SLIT3: variants seen among roughly 807,000 people sequenced by gnomAD.
SLIT3 encodes slit guidance ligand 3, also known as slit homolog 3 protein.
SLIT3 carries 68 observed loss-of-function variants against 184.0 expected under a neutral mutation model. That is an observed-to-expected ratio of 0.37 (90% CI 0.30 to 0.45). The LOEUF is 0.45. SLIT3 is among the 20% of genes least tolerant of loss of function. The pLI is 1.00. For missense variants in SLIT3, 1,707 were observed against 2,026.0 expected (o/e 0.84, Z 3.02); for synonymous variants, 831 against 828.6 (o/e 1.00, Z -0.05).
intron 5 of SLIT3, among the ~76,000 whole-genome samples, chr5:168,847,763 T>G (rs1008808820): frequency 6.6e-6 from 1 of 152,182 alleles, no homozygotes; most frequent in Non-Finnish European, 1.5e-5. Context: ...ACAGAGAACC[T>G]TCCGAAGCTG....
At chr5:169,037,383 A>T (rs1757292226) in intron 4 of SLIT3, among the ~76,000 whole-genome samples, 1 of 152,220 alleles carries the variant, frequency 6.6e-6, no homozygotes, top group Non-Finnish European at 1.5e-5. Flanking sequence ...TAAGCAGCAC[A>T]GGCTCTGTTT....
At chr5:169,108,082 G>A (rs1441388541) in intron 4 of SLIT3, among the ~76,000 whole-genome samples, 1 of 152,180 alleles carries the variant, frequency 6.6e-6, no homozygotes, top group Non-Finnish European at 1.5e-5. Context: ...TCAAAAGTAG[G>A]AGCCCTGCTT....
At chr5:168,737,847 A>C (rs571822004) in intron 20 of SLIT3, among the ~76,000 whole-genome samples, 1 of 152,206 alleles carries the variant, frequency 6.6e-6, no homozygotes, top group Non-Finnish European at 1.5e-5. Context: ...TTCAGTTCTA[A>C]AATAGTGAGG....
intron 4 of SLIT3, among the ~76,000 whole-genome samples, chr5:169,114,188 C>G (rs942603291): frequency 6.6e-6 from 1 of 152,164 alleles, no homozygotes; most frequent in Non-Finnish European, 1.5e-5. Context: ...AACCTCCCTA[C>G]CTAATCCTTT....
Position 169,173,423 on chromosome 5 carries a change from A to G in SLIT3, c.413+20056T>C, listed in dbSNP as rs936662745. ...ACGTAAGGAGTGAAAGCGGGAGGAG[A>G]AGGAAGAGGTGAAATCTAGAATTCC... On this transcript the variant is annotated intron_variant, in intron 4 of 35. Coordinates refer to ENST00000519560, the MANE Select transcript of SLIT3 (RefSeq NM_003062.4). 2.0e-5 allele frequency among the ~76,000 whole-genome samples: 3 copies of G among 152,226 alleles called. No homozygotes were observed. The East Asian group carries it at 5.8e-4, about 30-fold the overall frequency.
At chr5:169,016,249 G>A (rs1226017111) in intron 4 of SLIT3, among the ~76,000 whole-genome samples, 1 of 152,136 alleles carries the variant, frequency 6.6e-6, no homozygotes. Context: ...AGGTCTCCTG[G>A]TTAAGTCCCG....
chr5:169,045,777 T>C (rs1464168756), intron 4 of SLIT3, among the ~76,000 whole-genome samples: 1 of 152,182 alleles, frequency 6.6e-6, no homozygotes, highest in Non-Finnish European at 1.5e-5. Flanking sequence ...TAAGAAGAGT[T>C]TGTGGCCTAC....
Position 168,692,670 on chromosome 5 carries a change from C to G in SLIT3, c.3113G>C (p.Cys1038Ser). 3 of 1,614,094 alleles carry G rather than the reference C, an allele frequency of 1.9e-6. No homozygotes were observed. Among genetic ancestry groups the G allele is most frequent in the Non-Finnish European group, 2.5e-6 (3 of 1,179,982 alleles). ...GELCDEVIDHCVPELNLCQHE... is the reference protein window; with the variant it reads ...GELCDEVIDHSVPELNLCQHE... ...CTGACAGAGGTTCAGCTCAGGCACA[C>G]AGTGGTCAATCACCTCGTCGCATAG... Residue 1038 changes from cysteine (C) to serine (S), a missense_variant, in exon 29 of 36, where the codon TGT becomes TCT. By Grantham distance (112) the Cys-to-Ser change is moderately radical. This residue lies in a region of SLIT3 where 1,307 missense variants were observed against 1,511.6 expected (regional missense o/e 0.86). Coordinates refer to ENST00000519560, the MANE Select transcript of SLIT3 (RefSeq NM_003062.4).
intron 5 of SLIT3, among the ~76,000 whole-genome samples, chr5:168,857,336 A>G (rs183000164): frequency 1.3e-5 from 2 of 151,864 alleles, no homozygotes; most frequent in Admixed American, 1.3e-4. Flanking sequence ...AGAAAGAGTG[A>G]TTTTCTTTTT....
intron 20 of SLIT3, among the ~76,000 whole-genome samples, chr5:168,738,435 C>T (rs1411802246): frequency 1.3e-5 from 2 of 152,156 alleles, no homozygotes; most frequent in South Asian, 2.1e-4. Context: ...TCCCGTATGA[C>T]AAAATGGGAG....
Position 168,749,695 on chromosome 5 carries a change from C to T in SLIT3, c.1974-60G>A. ...TCTACTGTGGGAGCGGCCCTGGGAT[C>T]TGCTGCCCAGAGCCCAGCTCTCCTA... On this transcript the variant is annotated intron_variant, in intron 18 of 35. Transcript: ENST00000519560. 1.8e-5 allele frequency: 28 copies of T among 1,583,878 alleles called. No homozygotes were observed. The South Asian group carries it at 3.0e-4, about 17-fold the overall frequency.
chr5:169,087,060 C>T (rs1297472518), intron 4 of SLIT3, among the ~76,000 whole-genome samples: 1 of 152,218 alleles, frequency 6.6e-6, no homozygotes, highest in Non-Finnish European at 1.5e-5. Flanking sequence ...GTCAGCAATA[C>T]AGCAACTGAG....
intron 3 of SLIT3, among the ~76,000 whole-genome samples, chr5:169,208,502 G>C (rs1210125357): frequency 1.3e-5 from 2 of 152,024 alleles, no homozygotes; most frequent in African/African-American, 4.8e-5. Context: ...AGAGAACAAA[G>C]CTGGAGGCAT....
Position 169,059,470 on chromosome 5 carries a change from TGA to T in SLIT3, c.413+134007_413+134008del, listed in dbSNP as rs1758110528. On this transcript the variant is annotated intron_variant, in intron 4 of 35. Coordinates refer to ENST00000519560, the MANE Select transcript of SLIT3 (RefSeq NM_003062.4). The stretch of plus-strand genomic sequence containing the variant: ...TTATCCAGACATCAAGTCGTTTACC[TGA>T]GTTGCACTGCCAGAAAGTAGAAGGG... Among the ~76,000 whole-genome samples, 3 of 152,280 alleles carry T rather than the reference TGA, an allele frequency of 2.0e-5. No homozygotes were observed. The South Asian group carries it at 6.2e-4, about 32-fold the overall frequency.
At chr5:168,754,118 T>G (rs1024286632) in intron 16 of SLIT3, 111 bp from the exon 17 acceptor site, 2 of 1,120,064 alleles carry the variant, frequency 1.8e-6, no homozygotes, top group African/African-American at 3.1e-5. Context: ...CCCCTGAGAC[T>G]GAGGACTGGA....
At chr5:168,666,896 A>C in intron 35 of SLIT3, 1 of 770,256 alleles carries the variant, frequency 1.3e-6, no homozygotes, top group Non-Finnish European at 2.2e-6. Context: ...ACAGGCTTAC[A>C]CCTAAGCCGT....
chr5:169,129,825 T>TG (rs1432258131), intron 4 of SLIT3, among the ~76,000 whole-genome samples: 4 of 149,264 alleles, frequency 2.7e-5, no homozygotes, highest in African/African-American at 1.0e-4. Context: ...TTGGTGGTTT[T>TG]TTTTGTTTGT....
chr5:169,215,397 T>G (rs1417786161), intron 3 of SLIT3, among the ~76,000 whole-genome samples: 1 of 152,192 alleles, frequency 6.6e-6, no homozygotes, highest in African/African-American at 2.4e-5. Flanking sequence ...CTGTCATTAT[T>G]TTACTATAAT....
intron 4 of SLIT3, among the ~76,000 whole-genome samples, chr5:169,094,893 T>C (rs991151456): frequency 1.3e-5 from 2 of 152,228 alleles, no homozygotes; most frequent in Admixed American, 6.5e-5. Flanking sequence ...AGAGACCACA[T>C]GTCCTGCAAA....
Sources: gnomAD v4.1 joint callset for allele counts (sites outside exome capture counted in the v4.1 genomes callset) on GRCh38, gnomAD v4.1.1 for gene constraint, gnomAD v4.1.1 regional missense constraint, MANE v1.5 for transcripts, NCBI Gene and HGNC (gene_info 2026-07-23, HGNC 2026-07-21) for gene names.